Variants in MTUS2 observed in about 807,000 individuals in gnomAD.
MTUS2 encodes the protein microtubule-associated tumor suppressor candidate 2.
MTUS2 carries 40 observed loss-of-function variants against 114.1 expected under a neutral mutation model. The ratio of observed to expected loss-of-function variants is 0.35; its 90% CI spans 0.27 to 0.46. MTUS2 has a LOEUF of 0.46. MTUS2 is among the 20% of genes least tolerant of loss of function. MTUS2 has a pLI of 1.00. For synonymous variants in MTUS2, 688 were observed against 672.0 expected (o/e 1.02, Z -0.37); for missense variants, 1,679 against 1,705.4 (o/e 0.98, Z 0.27).
rs567154539 is a variant in MTUS2 at position 29,346,322 on chromosome 13, G to T, written c.2906-12940G>T. ...GGTGGGTAGAGAAAGACCATCAGGT[G>T]GGGGCAGATTTAGGCATGTCTGGGC... On this transcript the variant is annotated intron_variant, in intron 7 of 15. Coordinates refer to ENST00000612955, the MANE Select transcript of MTUS2 (RefSeq NM_001033602.4). Among the ~76,000 whole-genome samples the T allele has an allele frequency of 2.6e-5, 4 of 152,244 alleles. No individual in the cohort carries two copies. The East Asian group carries it at 7.7e-4, about 29-fold the overall frequency.
At chr13:29,444,252 C>G (rs1266284658) in intron 9 of MTUS2, among the ~76,000 whole-genome samples, 1 of 152,134 alleles carries the variant, frequency 6.6e-6, no homozygotes, top group Non-Finnish European at 1.5e-5. Flanking sequence ...GGTCAAACCC[C>G]ATCTCTACTA....
intron 5 of MTUS2, among the ~76,000 whole-genome samples, chr13:29,247,345 C>T (rs1355272647): frequency 6.6e-6 from 1 of 152,132 alleles, no homozygotes; most frequent in Non-Finnish European, 1.5e-5. Context: ...TAGAAATTGG[C>T]TTAGGCAAAT....
chr13:29,176,126 G>A (rs1893761631), intron 5 of MTUS2, among the ~76,000 whole-genome samples: 1 of 152,096 alleles, frequency 6.6e-6, no homozygotes, highest in Non-Finnish European at 1.5e-5. Context: ...CTGCAGGGTT[G>A]AAAATGTTGT....
At chr13:29,374,328 C>G (rs1429813947) in intron 8 of MTUS2, among the ~76,000 whole-genome samples, 2 of 152,122 alleles carry the variant, frequency 1.3e-5, no homozygotes, top group Non-Finnish European at 2.9e-5. Context: ...AGAAATAAAC[C>G]TACACATTCA....
intron 2 of MTUS2, among the ~76,000 whole-genome samples, chr13:28,840,477 A>C (rs887623899): frequency 6.6e-6 from 1 of 152,240 alleles, no homozygotes; most frequent in South Asian, 2.1e-4. Flanking sequence ...TCTGATGGGA[A>C]ATTATTCAGC....
At chr13:29,426,839 T>C (rs1876574971) in intron 8 of MTUS2, among the ~76,000 whole-genome samples, 1 of 152,234 alleles carries the variant, frequency 6.6e-6, no homozygotes, top group African/African-American at 2.4e-5. Context: ...TCCATTCTTC[T>C]GTTGGTGGAT....
intron 4 of MTUS2, among the ~76,000 whole-genome samples, chr13:29,094,871 A>G (rs1476427876): frequency 1.3e-5 from 2 of 151,908 alleles, no homozygotes; most frequent in Non-Finnish European, 2.9e-5. Context: ...AAGCTTTGGT[A>G]TGTCATTCAT....
rs1407569998 is a variant in MTUS2 at position 29,025,533 on chromosome 13, C to T, written c.835C>T (p.His279Tyr). The T allele has an allele frequency of 1.2e-6, 2 of 1,613,752 alleles. No individual in the cohort carries two copies. Residue 279 changes from histidine (H) to tyrosine (Y), a missense_variant, in exon 3 of 16, where the codon CAT becomes TAT. Transcript: ENST00000612955. ...VCSEHTSHSA[H>Y]PEPALNLTLA... Reference sequence around the variant, plus strand: ...CAGTGAGCACACATCACATTCCGCCCATCCAGAGCCTGCTCTGAATTTGAC... The same window carrying T: ...CAGTGAGCACACATCACATTCCGCCTATCCAGAGCCTGCTCTGAATTTGAC...
At chr13:28,860,343 C>T (rs149972246) in intron 2 of MTUS2, among the ~76,000 whole-genome samples, 3 of 152,214 alleles carry the variant, frequency 2.0e-5, no homozygotes, top group East Asian at 1.9e-4. Context: ...CTTTCTTCCC[C>T]CTAAGAGGTT....
chr13:29,015,541 A>G (rs910865467), intron 2 of MTUS2, among the ~76,000 whole-genome samples: 7 of 152,248 alleles, frequency 4.6e-5, no homozygotes, highest in African/African-American at 1.4e-4. Flanking sequence ...AGAGTTCTGT[A>G]TAAAGATGCA....
intron 8 of MTUS2, among the ~76,000 whole-genome samples, chr13:29,435,646 A>G (rs1005263923): frequency 2.6e-5 from 4 of 152,226 alleles, no homozygotes; most frequent in East Asian, 1.9e-4. Flanking sequence ...ACTCTTGCCT[A>G]AGGAACAGTG....
intron 5 of MTUS2, among the ~76,000 whole-genome samples, chr13:29,253,571 T>A (rs1460909143): frequency 6.6e-6 from 1 of 152,212 alleles, no homozygotes; most frequent in African/African-American, 2.4e-5. Context: ...CTATATTTAT[T>A]TGACAAATTT....
At chr13:29,437,148 T>TG (rs1286051685) in intron 8 of MTUS2, among the ~76,000 whole-genome samples, 2 of 152,128 alleles carry the variant, frequency 1.3e-5, no homozygotes, top group Non-Finnish European at 2.9e-5. Flanking sequence ...GACAGGGAGC[T>TG]GGGGGAGATG....
intron 2 of MTUS2, among the ~76,000 whole-genome samples, chr13:28,860,487 A>G (rs1006758243): frequency 6.6e-6 from 1 of 152,222 alleles, no homozygotes; most frequent in African/African-American, 2.4e-5. Flanking sequence ...GGAGAAATCC[A>G]GTGTCATGTG....
intron 2 of MTUS2, among the ~76,000 whole-genome samples, chr13:28,920,044 C>A (rs189430104): frequency 3.0e-4 from 46 of 152,304 alleles, no homozygotes; most frequent in Admixed American, 2.4e-3. Flanking sequence ...GGTCACATAT[C>A]TCTGTTTCTC....
chr13:29,324,533 A>T, intron 6 of MTUS2, 80 bp from the exon 7 acceptor site: 3 of 1,064,336 alleles, frequency 2.8e-6, no homozygotes. Flanking sequence ...TCTTGAAGCC[A>T]CCCTTTCCAC....
intron 2 of MTUS2, among the ~76,000 whole-genome samples, chr13:28,909,942 A>T (rs1008128507): frequency 2.6e-5 from 4 of 152,222 alleles, no homozygotes; most frequent in Non-Finnish European, 5.9e-5. Flanking sequence ...TATGGGCTAC[A>T]TTAGATATTT....
intron 15 of MTUS2, among the ~76,000 whole-genome samples, chr13:29,501,654 A>G (rs886672421): frequency 6.6e-6 from 1 of 152,168 alleles, no homozygotes; most frequent in Non-Finnish European, 1.5e-5. Flanking sequence ...CACACAGCAC[A>G]ATGCGGGGAT....
At chr13:29,243,793 C>G (rs1050904043) in intron 5 of MTUS2, among the ~76,000 whole-genome samples, 1 of 152,196 alleles carries the variant, frequency 6.6e-6, no homozygotes, top group East Asian at 1.9e-4. Flanking sequence ...AACAGAAACT[C>G]ATTCAGCTGG....
Sources: gnomAD v4.1 joint callset for allele counts (sites outside exome capture counted in the v4.1 genomes callset) on GRCh38, gnomAD v4.1.1 for gene constraint, MANE v1.5 for transcripts, NCBI Gene and HGNC (gene_info 2026-07-23, HGNC 2026-07-21) for gene names.